RCAN2: variants seen among roughly 807,000 people sequenced by gnomAD.
RCAN2 encodes the protein regulator of calcineurin 2.
Under a neutral mutation model 23.6 loss-of-function variants are expected in RCAN2, and 9 were observed. The ratio of observed to expected loss-of-function variants is 0.38; its 90% CI spans 0.23 to 0.67. The LOEUF is 0.67. Ranked by LOEUF, RCAN2 falls within the 30% of genes least tolerant of loss-of-function variation. The pLI is 0.51. For synonymous variants in RCAN2, 109 were observed against 115.7 expected (o/e 0.94, Z 0.37); for missense variants, 273 against 302.3 (o/e 0.90, Z 0.72).
intron 2 of RCAN2, among the ~76,000 whole-genome samples, chr6:46,420,608 A>C (rs1444708272): frequency 1.3e-5 from 2 of 149,238 alleles, no homozygotes; most frequent in Non-Finnish European, 3.0e-5. Flanking sequence ...GCAATGGTGC[A>C]ATCTCGGCTC....
intron 2 of RCAN2, among the ~76,000 whole-genome samples, chr6:46,456,096 CTAAGT>C (rs1024447260): frequency 2.0e-4 from 31 of 152,298 alleles, no homozygotes; most frequent in African/African-American, 7.0e-4. Context: ...AACATTTACA[CTAAGT>C]TAAGTCTGTT....
intron 2 of RCAN2, among the ~76,000 whole-genome samples, chr6:46,269,932 C>G (rs953339542): frequency 2.0e-5 from 3 of 152,176 alleles, no homozygotes; most frequent in African/African-American, 7.2e-5. Flanking sequence ...AGAGCTATCC[C>G]TGGGGAGGGA....
rs1554142863 is a variant in RCAN2 at position 46,458,893 on chromosome 6, GCA to G, written c.-2-1917_-2-1916del. Among the ~76,000 whole-genome samples, 143 of 138,436 alleles carry G rather than the reference GCA, an allele frequency of 1.0e-3. 2 individuals carry two copies. The South Asian group carries it at 0.019, about 18-fold the overall frequency. The allele number at this position is 138,436 out of a possible 152,430, so 90.8% of individuals were successfully genotyped here. ...TAATAGTTTACAGGAAAACGCGCGC[GCA>G]CGTGTGTGTGTGTGTGATGGAGTTT... On this transcript the variant is annotated intron_variant, in intron 1 of 4. Transcript: ENST00000371374.
At chr6:46,485,736 G>C (rs1395803688) in intron 1 of RCAN2, among the ~76,000 whole-genome samples, 1 of 151,966 alleles carries the variant, frequency 6.6e-6, no homozygotes, top group Non-Finnish European at 1.5e-5. Context: ...ACCCTTCTCT[G>C]TTTATACTAA....
At chr6:46,308,459 T>C (rs1763136910) in intron 2 of RCAN2, among the ~76,000 whole-genome samples, 1 of 151,892 alleles carries the variant, frequency 6.6e-6, no homozygotes, top group Non-Finnish European at 1.5e-5. Flanking sequence ...GAGAGGCAAA[T>C]GTGGTTGGGC....
At chr6:46,419,715 T>C (rs1766819497) in intron 2 of RCAN2, among the ~76,000 whole-genome samples, 1 of 152,174 alleles carries the variant, frequency 6.6e-6, no homozygotes, top group African/African-American at 2.4e-5. Flanking sequence ...ATTTAGAAGT[T>C]GGCTGCTGAA....
At chr6:46,230,550 C>G (rs1765847325) in intron 4 of RCAN2, among the ~76,000 whole-genome samples, 1 of 152,170 alleles carries the variant, frequency 6.6e-6, no homozygotes, top group Non-Finnish European at 1.5e-5. Context: ...GTGAGTGAGG[C>G]TCCATGGGCA....
chr6:46,346,284 A>ATGT (rs1764479075), intron 2 of RCAN2, among the ~76,000 whole-genome samples: 1 of 152,146 alleles, frequency 6.6e-6, no homozygotes, highest in Non-Finnish European at 1.5e-5. Context: ...AAAGGAAAAG[A>ATGT]ATGTAAAATC....
At chr6:46,452,440 C>A (rs1361950747) in intron 2 of RCAN2, among the ~76,000 whole-genome samples, 1 of 152,206 alleles carries the variant, frequency 6.6e-6, no homozygotes, top group Non-Finnish European at 1.5e-5. Flanking sequence ...TTCTATCCTA[C>A]ATCATCAGTG....
intron 2 of RCAN2, among the ~76,000 whole-genome samples, chr6:46,368,544 T>C (rs572191414): frequency 3.3e-5 from 5 of 152,198 alleles, no homozygotes; most frequent in Non-Finnish European, 7.4e-5. Context: ...GCCTACTACA[T>C]ATCTAAGCTA....
intron 1 of RCAN2, among the ~76,000 whole-genome samples, chr6:46,468,589 C>G (rs1768459731): frequency 3.3e-5 from 5 of 152,218 alleles, no homozygotes; most frequent in Admixed American, 2.6e-4. Flanking sequence ...CAACATTTGG[C>G]AAAGCAAACC....
intron 2 of RCAN2, among the ~76,000 whole-genome samples, chr6:46,261,785 C>A (rs1482515504): frequency 6.6e-6 from 1 of 152,094 alleles, no homozygotes; most frequent in Non-Finnish European, 1.5e-5. Context: ...CCAAATTAGC[C>A]ACAAAATTTC....
At chr6:46,234,786 T>C (rs1758726208) in intron 4 of RCAN2, among the ~76,000 whole-genome samples, 1 of 152,254 alleles carries the variant, frequency 6.6e-6, no homozygotes. Context: ...GGTTTGGCCA[T>C]TGCTTAAATT....
chr6:46,248,788 G>A lies in RCAN2; in HGVS notation c.334C>T (p.Arg112Ter), dbSNP rs1766609001. The A allele has an allele frequency of 1.2e-6, 2 of 1,613,124 alleles. No homozygotes were observed. Among genetic ancestry groups the A allele is most frequent in the South Asian group, 1.1e-5 (1 of 90,998 alleles). Residue 112 changes from arginine to a stop codon, truncating the protein, a stop_gained, in exon 3 of 5, where the codon CGA becomes TGA. Coordinates refer to ENST00000371374, the MANE Select transcript of RCAN2 (RefSeq NM_001251974.2). LOFTEE classifies it high-confidence loss of function. ...GTTTCATGAAGCTCTATCCTAGCTC[G>A]GGCTGCAGATTTAGGATTGCTGAAG... The part of the protein sequence containing the change: ...INFSNPKSAA[R>*]ARIELHETQF...
Position 46,222,783 on chromosome 6 carries a change from C to T in RCAN2, c.*358G>A, listed in dbSNP as rs1765519579. ...TAAGTGGCCAGGAGAGAACAACGCA[C>T]ACACATCAGGACTGGGACTGAAACA... is the stretch of plus-strand genomic sequence containing the variant. On this transcript the variant is annotated 3_prime_UTR_variant, in exon 5 of 5. Coordinates refer to ENST00000371374, the MANE Select transcript of RCAN2 (RefSeq NM_001251974.2). 1 of 200,928 alleles carries T rather than the reference C, an allele frequency of 5.0e-6. No individual in the cohort carries two copies. Among genetic ancestry groups the T allele is most frequent in the Non-Finnish European group, 1.0e-5 (1 of 99,730 alleles). 12.4% of individuals were successfully genotyped at this position (200,928 alleles called of 1,614,324 possible). A position where few individuals can be genotyped will look rare whatever the true frequency, so the allele number is the denominator to read the frequency against.
intron 1 of RCAN2, among the ~76,000 whole-genome samples, chr6:46,476,068 G>A (rs1308613030): frequency 6.6e-6 from 1 of 152,138 alleles, no homozygotes; most frequent in Non-Finnish European, 1.5e-5. Context: ...GAATAGTAAT[G>A]CCTTTCATCT....
At chr6:46,252,913 C>T (rs919536257) in intron 2 of RCAN2, among the ~76,000 whole-genome samples, 13 of 152,168 alleles carry the variant, frequency 8.5e-5, no homozygotes, top group Non-Finnish European at 2.9e-5. Context: ...ATTGATATCT[C>T]ATCAAAACTC....
Position 46,273,843 on chromosome 6 carries a change from G to GT in RCAN2, c.226-24948dup, listed in dbSNP as rs536578661. ...ATGATCATTTCCTTTTTAGAGAGCT[G>GT]TAAGAGTGTGGCAGATTCTTTTTTT... On this transcript the variant is annotated intron_variant, in intron 2 of 4. Transcript: ENST00000371374. Among the ~76,000 whole-genome samples, 850 of 152,146 alleles carry GT rather than the reference G, an allele frequency of 5.6e-3. 8 individuals carry two copies. The highest frequency in any genetic ancestry group is 0.02 in the African/African-American group (826 of 41,522).
At position 46,417,851 on chromosome 6, in the gene RCAN2, C is replaced by T. The variant is rs1296258510; in HGVS notation, c.225+38901G>A. Among the ~76,000 whole-genome samples the T allele has an allele frequency of 3.3e-5, 5 of 152,352 alleles. No individual in the cohort carries two copies. In the South Asian group the frequency reaches 6.2e-4, roughly 19 times the overall value. On this transcript the variant is annotated intron_variant, in intron 2 of 4. Transcript: ENST00000371374. ...CAGGCACTGTGCCAGGTAATTTACA[C>T]ACACAATTAATTTTTGCAATACTTA... is the stretch of plus-strand genomic sequence containing the variant.
Sources: gnomAD v4.1 joint callset for allele counts (sites outside exome capture counted in the v4.1 genomes callset) on GRCh38, gnomAD v4.1.1 for gene constraint, MANE v1.5 for transcripts, NCBI Gene and HGNC (gene_info 2026-07-23, HGNC 2026-07-21) for gene names.